NCAPH: variants seen among roughly 807,000 people sequenced by gnomAD.
The protein encoded by NCAPH is non-SMC condensin I complex subunit H.
A neutral mutation model predicts 85.5 loss-of-function variants in NCAPH; 38 were observed. The observed-to-expected ratio is 0.44, with a 90% CI of 0.34 to 0.58. The LOEUF is 0.58. Among genes scored for constraint, NCAPH ranks in the 20% least tolerant of loss-of-function variants. The pLI is 0.01. For missense variants in NCAPH, 789 were observed against 916.6 expected (o/e 0.86, Z 1.80); for synonymous variants, 301 against 335.1 (o/e 0.90, Z 1.11).
intron 9 of NCAPH, among the ~76,000 whole-genome samples, chr2:96,357,852 A>G (rs1053472055): frequency 6.6e-6 from 1 of 152,190 alleles, no homozygotes; most frequent in Non-Finnish European, 1.5e-5. Flanking sequence ...TGTAGGCTCA[A>G]TACAAATACA....
In NCAPH at chr2:96,369,167, G is replaced by T. The variant is rs1048589169; in HGVS notation, c.2090+104G>T. On this transcript the variant is annotated intron_variant, in intron 16 of 17. Coordinates refer to ENST00000240423, the MANE Select transcript of NCAPH (RefSeq NM_015341.5). Reference sequence around the variant, plus strand: ...CCTGTTTCCTATGACATTTATAGTGGCTGTTCTGTTTTCTCTCTGTGTTGA... The same window carrying T: ...CCTGTTTCCTATGACATTTATAGTGTCTGTTCTGTTTTCTCTCTGTGTTGA... The T allele has an allele frequency of 3.4e-6, 4 of 1,188,868 alleles. No homozygotes were observed. In the African/African-American group the frequency reaches 6.2e-5, roughly 18 times the overall value. The allele number at this position is 1,188,868 out of a possible 1,614,324, so 73.6% of individuals were successfully genotyped here.
At position 96,341,827 on chromosome 2, in the gene NCAPH, C is replaced by A; in HGVS notation, c.205C>A (p.Arg69Ser). The change falls in exon 2 of 18, where the codon CGC (arginine) becomes AGC (serine). Residue 69 changes from arginine (R) to serine (S), a missense_variant. By Grantham distance (110) the Arg-to-Ser change is moderately radical. Coordinates refer to ENST00000240423, the MANE Select transcript of NCAPH (RefSeq NM_015341.5). ...DDEKERLQRR[R>S]SRVFDLQFST... ...TGAGAAGGAGCGGCTGCAGCGGAGG[C>A]GCTCGAGGGTCTTTGATCTGCAGTT... 5 of 1,613,676 alleles carry A rather than the reference C, an allele frequency of 3.1e-6. No homozygotes were observed. The highest frequency in any genetic ancestry group is 4.2e-6 in the Non-Finnish European group (5 of 1,180,020).
chr2:96,352,114 T>G, intron 7 of NCAPH, 94 bp downstream of exon 7: 1 of 1,291,112 alleles, frequency 7.7e-7, no homozygotes, highest in Non-Finnish European at 1.1e-6. Context: ...CATGCTCTTA[T>G]GTTGCTTAAA....
chr2:96,338,857 C>T (rs1026102096), intron 1 of NCAPH, among the ~76,000 whole-genome samples: 4 of 152,194 alleles, frequency 2.6e-5, no homozygotes, highest in Non-Finnish European at 4.4e-5. Flanking sequence ...GTCACCCAGG[C>T]TGTAGTGCAG....
chr2:96,368,154 T>C (rs920327300), intron 15 of NCAPH, among the ~76,000 whole-genome samples: 9 of 152,228 alleles, frequency 5.9e-5, no homozygotes, highest in South Asian at 4.1e-4. Flanking sequence ...TTAGACCTTC[T>C]GTAGCTGAGA....
rs1232389158 is a variant in NCAPH, at chr2:96,376,289, A to C, written c.*2938A>C. Among the ~76,000 whole-genome samples, 1 of 152,130 alleles carries C rather than the reference A, an allele frequency of 6.6e-6. No individual in the cohort carries two copies. The highest frequency in any genetic ancestry group is 2.4e-5 in the African/African-American group (1 of 41,436). ...TTGCAATTTGCAAGAGGGAATTGCA[A>C]TTTGCAAGAGAGGGGCAATTTGCAA... On this transcript the variant is annotated 3_prime_UTR_variant, in exon 18 of 18. Transcript: ENST00000240423.
At chr2:96,337,505 C>T (rs1454775457) in intron 1 of NCAPH, among the ~76,000 whole-genome samples, 2 of 152,168 alleles carry the variant, frequency 1.3e-5, no homozygotes, top group African/African-American at 4.8e-5. Context: ...CTGCAAGCTC[C>T]GCCTCCTGGG....
intron 10 of NCAPH, 91 bp from the exon 11 acceptor site, chr2:96,360,052 A>C: frequency 1.3e-6 from 1 of 754,496 alleles, no homozygotes; most frequent in Non-Finnish European, 2.3e-6. Flanking sequence ...GGTTTTGATA[A>C]GCCTTGATAA....
chr2:96,341,007 C>T (rs887335739), intron 1 of NCAPH, among the ~76,000 whole-genome samples: 5 of 152,236 alleles, frequency 3.3e-5, no homozygotes, highest in African/African-American at 1.2e-4. Context: ...CTATGAATTT[C>T]ACATTGTGTC....
intron 1 of NCAPH, chr2:96,341,323 G>A: frequency 3.7e-6 from 1 of 268,296 alleles, no homozygotes; most frequent in Non-Finnish European, 7.1e-6. Context: ...GGTTATATAT[G>A]TCTGTTGTCC....
rs190720350 is a variant in NCAPH, at chr2:96,375,554, G to T, written c.*2203G>T. Among the ~76,000 whole-genome samples the T allele has an allele frequency of 6.6e-6, 1 of 152,124 alleles. No homozygotes were observed. The highest frequency in any genetic ancestry group is 2.4e-5 in the African/African-American group (1 of 41,428). ...CCCCTCACCAGACAGCAAATCTGCC[G>T]GCGTCTTGATCTTGGACTTCTCAGC... On this transcript the variant is annotated 3_prime_UTR_variant, in exon 18 of 18. Transcript: ENST00000240423.
At chr2:96,347,294 T>A (rs921228878) in intron 6 of NCAPH, among the ~76,000 whole-genome samples, 5 of 151,352 alleles carry the variant, frequency 3.3e-5, no homozygotes, top group East Asian at 1.9e-4. Context: ...TTTTTTTTTT[T>A]ATCACTTTTG....
rs2104522633 is a variant in NCAPH at position 96,376,157 on chromosome 2, A to G, written c.*2806A>G. Among the ~76,000 whole-genome samples, 1 of 152,356 alleles carries G rather than the reference A, an allele frequency of 6.6e-6. No individual in the cohort carries two copies. The highest frequency in any genetic ancestry group is 2.1e-4 in the South Asian group (1 of 4,826). On this transcript the variant is annotated 3_prime_UTR_variant, in exon 18 of 18. Coordinates refer to ENST00000240423, the MANE Select transcript of NCAPH (RefSeq NM_015341.5). ...CCAGCAGTATCTGCCTCAGATGCTGAGAAGCCTCCTGAGATAAGAGCGTAT... is the reference window on the plus strand; with the variant it reads ...CCAGCAGTATCTGCCTCAGATGCTGGGAAGCCTCCTGAGATAAGAGCGTAT...
rs369493862 is a variant in NCAPH, at chr2:96,356,263, G to A, written c.1208+1875G>A. Among the ~76,000 whole-genome samples, 7 of 152,228 alleles carry A rather than the reference G, an allele frequency of 4.6e-5. No homozygotes were observed. In the East Asian group the frequency reaches 7.7e-4, roughly 17 times the overall value. On this transcript the variant is annotated intron_variant, in intron 9 of 17. Transcript: ENST00000240423. ...TTAAATCCCCTCCCCTTGCCACATC[G>A]CTGGCCTTTCCTGGGAATTCAGTGA... is the stretch of plus-strand genomic sequence containing the variant.
At position 96,335,806 on chromosome 2, in the gene NCAPH, C is replaced by G; in HGVS notation, c.-24C>G. ...CGTCTCGACGCGCGCGATTTAAAAC[C>G]AGCTCAGGAGACGCCAAGGAAAGAT... is the stretch of plus-strand genomic sequence containing the variant. On this transcript the variant is annotated 5_prime_UTR_variant, in exon 1 of 18. Coordinates refer to ENST00000240423, the MANE Select transcript of NCAPH (RefSeq NM_015341.5). 6.7e-7 allele frequency: 1 copy of G among 1,487,230 alleles called. No homozygotes were observed. The highest frequency in any genetic ancestry group is 8.9e-7 in the Non-Finnish European group (1 of 1,122,092). 92.1% of individuals were successfully genotyped at this position (1,487,230 alleles called of 1,614,324 possible).
intron 6 of NCAPH, among the ~76,000 whole-genome samples, chr2:96,348,033 T>C (rs1471504752): frequency 3.9e-5 from 6 of 152,118 alleles, no homozygotes; most frequent in Admixed American, 3.9e-4. Flanking sequence ...CATATCACCA[T>C]GTTTAAAGAC....
Position 96,360,126 on chromosome 2 carries a change from C to T in NCAPH, c.1358-17C>T, listed in dbSNP as rs1251322193. The T allele has an allele frequency of 2.1e-6, 3 of 1,395,682 alleles. No individual in the cohort carries two copies. Among genetic ancestry groups the T allele is most frequent in the Middle Eastern group, 3.6e-4 (2 of 5,598 alleles). The allele number at this position is 1,395,682 out of a possible 1,614,324, so 86.5% of individuals were successfully genotyped here. A position where few individuals can be genotyped will look rare whatever the true frequency, so the allele number is the denominator to read the frequency against. On this transcript the variant is annotated splice_polypyrimidine_tract_variant and intron_variant, in intron 10 of 17. Transcript: ENST00000240423. Reference sequence around the variant, plus strand: ...GGCCACAGAAGTGAAGTGCTGACGTCTGTGTTCACTCTGCAGAAGATGCTC... The same window carrying T: ...GGCCACAGAAGTGAAGTGCTGACGTTTGTGTTCACTCTGCAGAAGATGCTC...
rs371976519 is a variant in NCAPH, at chr2:96,342,890, A to T, written c.456+42A>T. 52 of 1,526,408 alleles carry T rather than the reference A, an allele frequency of 3.4e-5. 1 individual carries two copies. The African/African-American group carries it at 5.3e-4, about 16-fold the overall frequency. The allele number at this position is 1,526,408 out of a possible 1,614,324, so 94.6% of individuals were successfully genotyped here. On this transcript the variant is annotated intron_variant, in intron 4 of 17. Coordinates refer to ENST00000240423, the MANE Select transcript of NCAPH (RefSeq NM_015341.5). ...CTTTCTCTTGCATCTGAATTAAATG[A>T]TGATGATTTCTACTACTTGGCATAA...
chr2:96,366,659 A>C (rs868073436), intron 14 of NCAPH, among the ~76,000 whole-genome samples: 3 of 152,168 alleles, frequency 2.0e-5, no homozygotes, highest in African/African-American at 7.2e-5. Context: ...CGGGCAGATC[A>C]CGATGTCAGG....
Sources: gnomAD v4.1 joint callset for allele counts (sites outside exome capture counted in the v4.1 genomes callset) on GRCh38, gnomAD v4.1.1 for gene constraint, MANE v1.5 for transcripts, NCBI Gene and HGNC (gene_info 2026-07-23, HGNC 2026-07-21) for gene names.